ALDH8A1: variants seen among roughly 807,000 people sequenced by gnomAD.
The protein encoded by ALDH8A1 is aldehyde dehydrogenase 8 family member A1.
ALDH8A1 carries 39 observed loss-of-function variants against 43.3 expected under a neutral mutation model. The observed-to-expected ratio is 0.90, with a 90% CI of 0.70 to 1.18. The LOEUF is 1.18. ALDH8A1 is among the 50% of genes most tolerant of loss of function. The probability of loss-of-function intolerance (pLI) is 0.00; values close to 1 mark genes in which losing one functional copy is unlikely to be tolerated. For missense variants in ALDH8A1, 605 were observed against 622.6 expected (o/e 0.97, Z 0.30); for synonymous variants, 233 against 243.5 (o/e 0.96, Z 0.40).
At chr6:134,928,963 A>G (rs1289868568) in intron 6 of ALDH8A1, 91 bp downstream of exon 6, 2 of 1,415,854 alleles carry the variant, frequency 1.4e-6, no homozygotes, top group East Asian at 4.6e-5. Context: ...GTAACTAACA[A>G]TATTTCAGAG....
intron 4 of ALDH8A1, among the ~76,000 whole-genome samples, chr6:134,935,814 A>G (rs1773727644): frequency 6.6e-6 from 1 of 152,216 alleles, no homozygotes; most frequent in Non-Finnish European, 1.5e-5. Flanking sequence ...ATCCATTATC[A>G]TCCAGAACAT....
rs1305943646 is a variant in ALDH8A1, at chr6:134,942,559, T to G, written c.292A>C (p.Thr98Pro). The G allele has an allele frequency of 6.2e-7, 1 of 1,612,372 alleles. No homozygotes were observed. Among genetic ancestry groups the G allele is most frequent in the Non-Finnish European group, 8.5e-7 (1 of 1,178,976 alleles). Residue 98 changes from threonine (T) to proline (P), a missense_variant, in exon 3 of 7, where the codon ACC becomes CCC. Coordinates refer to ENST00000265605, the MANE Select transcript of ALDH8A1 (RefSeq NM_022568.4). ...TCCATGGTTCTTGCCAGTGCTAAGGTTTTCCCTGTAAGAAGCAAACAACAT... is the reference window on the plus strand; with the variant it reads ...TCCATGGTTCTTGCCAGTGCTAAGGGTTTCCCTGTAAGAAGCAAACAACAT... ...AQAESKDQGK[T>P]LALARTMDIP... is the part of the protein sequence containing the mutation.
intron 2 of ALDH8A1, among the ~76,000 whole-genome samples, chr6:134,942,919 G>A (rs1773883236): frequency 1.3e-5 from 2 of 152,130 alleles, no homozygotes; most frequent in African/African-American, 4.8e-5. Context: ...TTGAAATACG[G>A]GTGTTAGGAC....
chr6:134,925,987 A>G (rs968224999), intron 6 of ALDH8A1, among the ~76,000 whole-genome samples: 1 of 152,008 alleles, frequency 6.6e-6, no homozygotes, highest in African/African-American at 2.4e-5. Flanking sequence ...GCAGGAGTGG[A>G]ATGAGGAAAG....
intron 1 of ALDH8A1, among the ~76,000 whole-genome samples, chr6:134,944,959 C>T (rs1773926764): frequency 6.7e-6 from 1 of 148,246 alleles, no homozygotes; most frequent in Non-Finnish European, 1.5e-5. Context: ...ATTATATATA[C>T]AGTAGAAGAA....
chr6:134,938,075 C>G (rs973469243), intron 4 of ALDH8A1, among the ~76,000 whole-genome samples: 7 of 152,196 alleles, frequency 4.6e-5, no homozygotes, highest in Admixed American at 2.6e-4. Flanking sequence ...GAAAGGTGTT[C>G]CGAAGCGGGA....
In ALDH8A1 at chr6:134,929,755, G is replaced by T. The variant is rs369005508; in HGVS notation, c.850-540C>A. 3.9e-5 allele frequency among the ~76,000 whole-genome samples: 6 copies of T among 152,270 alleles called. No homozygotes were observed. In the East Asian group the frequency reaches 7.7e-4, roughly 20 times the overall value. Reference sequence around the variant, plus strand: ...GAGAGGAGGTCAGGAGGCCAGCAAGGCTCTATCGTGCAGTCTCATAGGTTC... The same window carrying T: ...GAGAGGAGGTCAGGAGGCCAGCAAGTCTCTATCGTGCAGTCTCATAGGTTC... On this transcript the variant is annotated intron_variant, in intron 5 of 6. Transcript: ENST00000265605.
rs1171548652 is a variant in ALDH8A1, at chr6:134,917,791, C to G, written c.*624G>C. On this transcript the variant is annotated 3_prime_UTR_variant, in exon 7 of 7. Coordinates refer to ENST00000265605, the MANE Select transcript of ALDH8A1 (RefSeq NM_022568.4). ...AGCATTTTTTTTTTAAAGACAAGGTCTCACTGTATCCCCCAGGCTGAAATG... is the reference window on the plus strand; with the variant it reads ...AGCATTTTTTTTTTAAAGACAAGGTGTCACTGTATCCCCCAGGCTGAAATG... 1 of 152,070 alleles carries G rather than the reference C, an allele frequency of 6.6e-6. No individual in the cohort carries two copies. The highest frequency in any genetic ancestry group is 1.5e-5 in the Non-Finnish European group (1 of 68,072). The allele number at this position is 152,070 out of a possible 1,614,324, so 9.4% of individuals were successfully genotyped here. A position where few individuals can be genotyped will look rare whatever the true frequency, so the allele number is the denominator to read the frequency against.
intron 4 of ALDH8A1, among the ~76,000 whole-genome samples, chr6:134,934,478 C>T (rs974865964): frequency 1.3e-5 from 2 of 152,132 alleles, no homozygotes; most frequent in African/African-American, 4.8e-5. Context: ...AACTGATCAC[C>T]ATCTCGACTG....
intron 4 of ALDH8A1, among the ~76,000 whole-genome samples, chr6:134,936,609 A>C (rs555845392): frequency 6.6e-6 from 1 of 152,354 alleles, no homozygotes; most frequent in East Asian, 1.9e-4. Context: ...TCAGAGTAGC[A>C]TTTTAACTGA....
At position 134,918,279 on chromosome 6, in the gene ALDH8A1, C is replaced by A. The variant is rs1324972391; in HGVS notation, c.*136G>T. The A allele has an allele frequency of 5.0e-6, 4 of 793,096 alleles. No individual in the cohort carries two copies. Among genetic ancestry groups the A allele is most frequent in the African/African-American group, 1.7e-5 (1 of 57,184 alleles). The allele number at this position is 793,096 out of a possible 1,614,324, so 49.1% of individuals were successfully genotyped here. A position where few individuals can be genotyped will look rare whatever the true frequency, so the allele number is the denominator to read the frequency against. On this transcript the variant is annotated 3_prime_UTR_variant, in exon 7 of 7. Coordinates refer to ENST00000265605, the MANE Select transcript of ALDH8A1 (RefSeq NM_022568.4). ...CACTAGTGGGTAAAGTTACTAAGAACTGAGGATAAGCTAGAGATAACCTTC... is the reference window on the plus strand; with the variant it reads ...CACTAGTGGGTAAAGTTACTAAGAAATGAGGATAAGCTAGAGATAACCTTC...
At position 134,918,483 on chromosome 6, in the gene ALDH8A1, C is replaced by A; in HGVS notation, c.1396G>T (p.Gly466Cys). 6.2e-7 allele frequency: 1 copy of A among 1,614,184 alleles called. No individual in the cohort carries two copies. Among genetic ancestry groups the A allele is most frequent in the Non-Finnish European group, 8.5e-7 (1 of 1,180,032 alleles). Residue 466 changes from glycine (G) to cysteine (C), a missense_variant, in exon 7 of 7, where the codon GGT becomes TGT. By Grantham distance (159) the Gly-to-Cys change is radical. Coordinates refer to ENST00000265605, the MANE Select transcript of ALDH8A1 (RefSeq NM_022568.4). ...TAAGAGTCCTTGGCTCCCTCTCTAC[C>A]TATTCCAGAACTCTTCATCCCCCCG... ...PFGGMKSSGIGREGAKDSYDF... is the reference protein window; with the variant it reads ...PFGGMKSSGICREGAKDSYDF...
In ALDH8A1 at chr6:134,918,770, C is replaced by A. The variant is rs1337809601; in HGVS notation, c.1109G>T (p.Gly370Val). 1 of 1,614,206 alleles carries A rather than the reference C, an allele frequency of 6.2e-7. No individual in the cohort carries two copies. The highest frequency in any genetic ancestry group is 1.7e-5 in the Admixed American group (1 of 60,020). The change falls in exon 7 of 7, where the codon GGC (glycine) becomes GTC (valine). Residue 370 changes from glycine to valine, a missense_variant. By Grantham distance (109) the Gly-to-Val change is moderately radical. Transcript: ENST00000265605. ...TATCACCGTGGGAAGCATAAAGTAG[C>A]CTGCCTGGTTCCTGGCAGGGAGGCT... Reference protein sequence around the residue: ...KLSLPARNQAGYFMLPTVITD... With the variant: ...KLSLPARNQAVYFMLPTVITD...
intron 6 of ALDH8A1, among the ~76,000 whole-genome samples, chr6:134,921,731 G>T (rs1776802498): frequency 6.6e-6 from 1 of 152,220 alleles, no homozygotes. Flanking sequence ...AAAACACACT[G>T]CAGGGGCAGA....
At chr6:134,945,548 T>C (rs1773935333) in intron 1 of ALDH8A1, among the ~76,000 whole-genome samples, 1 of 152,200 alleles carries the variant, frequency 6.6e-6, no homozygotes, top group Admixed American at 6.5e-5. Context: ...TCTCCGGCAA[T>C]GTCTAAGTAA....
intron 6 of ALDH8A1, among the ~76,000 whole-genome samples, chr6:134,921,359 C>G (rs113614956): frequency 0.042 from 6,385 of 152,242 alleles, 444 homozygotes; most frequent in African/African-American, 0.14. Flanking sequence ...GGGTAGGCAG[C>G]TACACAGCCA....
chr6:134,920,682 A>T (rs1776784125), intron 6 of ALDH8A1, among the ~76,000 whole-genome samples: 1 of 152,264 alleles, frequency 6.6e-6, no homozygotes, highest in Non-Finnish European at 1.5e-5. Context: ...TTTCCTAGAG[A>T]AAGTATGACT....
chr6:134,948,276 C>T (rs1277116299), intron 1 of ALDH8A1, among the ~76,000 whole-genome samples: 1 of 151,834 alleles, frequency 6.6e-6, no homozygotes, highest in African/African-American at 2.4e-5. Context: ...TAGAGGTTGG[C>T]TAATTAATAC....
At chr6:134,937,152 A>G (rs535462163) in intron 4 of ALDH8A1, among the ~76,000 whole-genome samples, 1 of 152,372 alleles carries the variant, frequency 6.6e-6, no homozygotes, top group Admixed American at 6.5e-5. Flanking sequence ...TATTCCAGGA[A>G]TCCCACAGAA....
Sources: allele counts gnomAD v4.1 joint callset (sites outside exome capture counted in the v4.1 genomes callset), GRCh38; gene constraint gnomAD v4.1.1; transcripts MANE v1.5; gene names NCBI Gene and HGNC (gene_info 2026-07-23, HGNC 2026-07-21).